The following AFG2A variants were observed in gnomAD, a reference collection of about 807,000 sequenced individuals.
AFG2A encodes AAA ATPase AFG2A.
the AFG2A span, chr4:122,934,631 A>G: frequency 6.2e-7 from 1 of 1,613,898 alleles, no homozygotes; most frequent in Middle Eastern, 1.7e-4. Flanking sequence ...CAAGACAACC[A>G]ATTCAAAGTA....
the AFG2A span, among the ~76,000 whole-genome samples, chr4:123,204,286 G>A: frequency 6.6e-6 from 1 of 152,238 alleles, no homozygotes; most frequent in Non-Finnish European, 1.5e-5. Flanking sequence ...TTCATGTTTA[G>A]TTCTATTTTA....
the AFG2A span, among the ~76,000 whole-genome samples, chr4:122,931,535 C>A: frequency 6.6e-6 from 1 of 152,046 alleles, no homozygotes; most frequent in Non-Finnish European, 1.5e-5. Flanking sequence ...ACACATTTTA[C>A]ATAGATTATA....
At chr4:123,109,755 A>G in the AFG2A span, among the ~76,000 whole-genome samples, 2 of 152,070 alleles carry the variant, frequency 1.3e-5, no homozygotes, top group African/African-American at 2.4e-5. Context: ...TCTGTCTCCC[A>G]TTGCTCTAAT....
the AFG2A span, among the ~76,000 whole-genome samples, chr4:122,939,071 C>CTCTCTTT: frequency 5.2e-5 from 4 of 76,214 alleles, 2 homozygotes; most frequent in Non-Finnish European, 4.9e-5. Context: ...GGGATATGTT[C>CTCTCTTT]TTTCTTTTTT....
the AFG2A span, among the ~76,000 whole-genome samples, chr4:123,257,973 A>G: frequency 1.3e-5 from 2 of 152,182 alleles, no homozygotes; most frequent in Non-Finnish European, 2.9e-5. Context: ...TATGTAGTGC[A>G]CTTCTTATTT....
the AFG2A span, among the ~76,000 whole-genome samples, chr4:123,174,274 A>G: frequency 6.6e-6 from 1 of 152,250 alleles, no homozygotes; most frequent in Admixed American, 6.5e-5. Context: ...ACAAAAAATT[A>G]TAATAGCTTT....
the AFG2A span, among the ~76,000 whole-genome samples, chr4:123,268,639 A>T: frequency 6.6e-6 from 1 of 152,340 alleles, no homozygotes; most frequent in South Asian, 2.1e-4. Flanking sequence ...ATTATTTCCA[A>T]CCTAGAGTTC....
chr4:123,092,125 G>A, the AFG2A span, among the ~76,000 whole-genome samples: 1 of 152,134 alleles, frequency 6.6e-6, no homozygotes, highest in Non-Finnish European at 1.5e-5. Flanking sequence ...TGAGTTCTGA[G>A]TATTTATAGA....
At chr4:123,025,752 T>G in the AFG2A span, among the ~76,000 whole-genome samples, 1 of 152,122 alleles carries the variant, frequency 6.6e-6, no homozygotes, top group South Asian at 2.1e-4. Flanking sequence ...TATACCAATA[T>G]GTATGGTTTC....
the AFG2A span, among the ~76,000 whole-genome samples, chr4:123,145,654 C>T: frequency 6.6e-6 from 1 of 151,940 alleles, no homozygotes; most frequent in Non-Finnish European, 1.5e-5. Context: ...ACGATAATAA[C>T]AAAAGTGAAA....
chr4:122,926,534 T>C, the AFG2A span, among the ~76,000 whole-genome samples: 1 of 152,196 alleles, frequency 6.6e-6, no homozygotes, highest in African/African-American at 2.4e-5. Flanking sequence ...GGAAAAGAAA[T>C]GTGTTGGGGA....
At chr4:122,986,671 A>C in the AFG2A span, among the ~76,000 whole-genome samples, 1 of 152,224 alleles carries the variant, frequency 6.6e-6, no homozygotes, top group Non-Finnish European at 1.5e-5. Context: ...TGACTGCACC[A>C]AAATGTCACA....
chr4:123,142,157 A>G, the AFG2A span, among the ~76,000 whole-genome samples: 2 of 152,218 alleles, frequency 1.3e-5, no homozygotes, highest in African/African-American at 4.8e-5. Context: ...TATCACTGTG[A>G]AGTTTTTAAT....
At chr4:123,198,519 C>A in the AFG2A span, among the ~76,000 whole-genome samples, 1 of 152,166 alleles carries the variant, frequency 6.6e-6, no homozygotes, top group African/African-American at 2.4e-5. Context: ...CCAGCCTCTC[C>A]CTAGAATTGC....
chr4:123,195,473 A>G, the AFG2A span, among the ~76,000 whole-genome samples: 1 of 152,086 alleles, frequency 6.6e-6, no homozygotes, highest in South Asian at 2.1e-4. Context: ...AAATTTCAGC[A>G]GTAGATATTT....
the AFG2A span, among the ~76,000 whole-genome samples, chr4:123,036,589 A>G: frequency 6.6e-6 from 1 of 152,034 alleles, no homozygotes; most frequent in Admixed American, 6.5e-5. Context: ...ACTGAGAGTG[A>G]CAAAAGTAGT....
At chr4:123,220,311 T>G in the AFG2A span, among the ~76,000 whole-genome samples, 4 of 152,102 alleles carry the variant, frequency 2.6e-5, no homozygotes, top group African/African-American at 9.7e-5. Flanking sequence ...TAACAAGTAA[T>G]GCTTCTAATA....
chr4:123,171,460 A>T, the AFG2A span, among the ~76,000 whole-genome samples: 1 of 152,206 alleles, frequency 6.6e-6, no homozygotes, highest in Non-Finnish European at 1.5e-5. Context: ...ACTAAAAAAC[A>T]TACATACACT....
chr4:123,136,022 G>A, the AFG2A span, among the ~76,000 whole-genome samples: 1 of 152,042 alleles, frequency 6.6e-6, no homozygotes, highest in East Asian at 1.9e-4. Context: ...AAAACAATTA[G>A]TAAACAAGGA....
Sources: gnomAD v4.1 joint callset for allele counts (sites outside exome capture counted in the v4.1 genomes callset) on GRCh38, gnomAD v4.1.1 for gene constraint, MANE v1.5 for transcripts, NCBI Gene and HGNC (gene_info 2026-07-23, HGNC 2026-07-21) for gene names.